RNF213: variants seen among roughly 807,000 people sequenced by gnomAD.
RNF213 encodes the protein ring finger protein 213.
Under a neutral mutation model 514.4 loss-of-function variants are expected in RNF213, and 341 were observed. The ratio of observed to expected loss-of-function variants is 0.66; its 90% CI spans 0.61 to 0.73. The LOEUF is 0.73. RNF213 is among the 30% of genes least tolerant of loss of function. RNF213 has a pLI of 0.00. For synonymous variants in RNF213, 2,655 were observed against 2,658.2 expected (o/e 1.00, Z 0.04); for missense variants, 5,767 against 6,615.6 (o/e 0.87, Z 4.45).
intron 20 of RNF213, among the ~76,000 whole-genome samples, chr17:80,330,431 G>A (rs1046414975): frequency 1.3e-5 from 2 of 152,180 alleles, no homozygotes; most frequent in African/African-American, 4.8e-5. Flanking sequence ...GAAGTCTTCT[G>A]TCTCCTGCCT....
At position 80,370,726 on chromosome 17, in the gene RNF213, C is replaced by CGG. The variant is rs1568147762; in HGVS notation, c.12425+859_12425+860insGG. On this transcript the variant is annotated intron_variant, in intron 46 of 67. Coordinates refer to ENST00000582970, the MANE Select transcript of RNF213 (RefSeq NM_001256071.3). ...TCACAGAAAATCACTCATGACAAGCCCTGGGTTATCAGCCGGCTGCTGTGT... is the reference window on the plus strand; with the variant it reads ...TCACAGAAAATCACTCATGACAAGCCGGCTGGGTTATCAGCCGGCTGCTGTGT... Among the ~76,000 whole-genome samples the CGG allele has an allele frequency of 9.2e-5, 14 of 152,264 alleles. No homozygotes were observed. In the South Asian group the frequency reaches 2.5e-3, roughly 27 times the overall value.
At position 80,336,372 on chromosome 17, in the gene RNF213, G is replaced by T; in HGVS notation, c.4521G>T (p.Arg1507Ser). 1 of 1,537,240 alleles carries T rather than the reference G, an allele frequency of 6.5e-7. No individual in the cohort carries two copies. Among genetic ancestry groups the T allele is most frequent in the African/African-American group, 1.4e-5 (1 of 73,180 alleles). The change falls in exon 23 of 68, where the codon AGG becomes AGT. Residue 1507 changes from arginine to serine, a missense_variant. Around this residue, in one of 13 missense-constraint regions of RNF213, gnomAD observed 1,377 missense variants for 1,635.2 expected, o/e 0.84. Coordinates refer to ENST00000582970, the MANE Select transcript of RNF213 (RefSeq NM_001256071.3). ...KALDKDQYLP[R>S]KLCDSARNLE... is the part of the protein sequence containing the mutation. ...TGGATAAGGACCAGTACCTGCCCAGGAAACTGGTGAGTCTTATTCTGTCTC... is the reference window on the plus strand; with the variant it reads ...TGGATAAGGACCAGTACCTGCCCAGTAAACTGGTGAGTCTTATTCTGTCTC...
chr17:80,336,449 C>T (rs1377538388), intron 23 of RNF213, 71 bp downstream of exon 23: 2 of 1,336,252 alleles, frequency 1.5e-6, no homozygotes, highest in East Asian at 2.5e-5. Context: ...AGGGCAGTGA[C>T]TGTGGAAATG....
At position 80,339,689 on chromosome 17, in the gene RNF213, G is replaced by T; in HGVS notation, c.5322G>T (p.Leu1774=). ...LPLMLLSEFS[L]VDKLRIIMEQ... ...TGATGCTCTTATCAGAGTTCAGCCT[G>T]GTGGACAAGCTGAGGATCATCATGG... Residue 1774 remains leucine (L), a synonymous_variant, in exon 26 of 68, where the codon CTG becomes CTT. Coordinates refer to ENST00000582970, the MANE Select transcript of RNF213 (RefSeq NM_001256071.3). 6.5e-7 allele frequency: 1 copy of T among 1,537,238 alleles called. No individual in the cohort carries two copies. Among genetic ancestry groups the T allele is most frequent in the Non-Finnish European group, 8.7e-7 (1 of 1,146,898 alleles).
rs1464412461 is a variant in RNF213 at position 80,353,847 on chromosome 17, T to C, written c.10579-172T>C. On this transcript the variant is annotated intron_variant, in intron 34 of 67. Transcript: ENST00000582970. The surrounding 1 kb of genome is among the most constrained non-coding windows in gnomAD (Gnocchi z 5.0). ...CTGGTTACTGGGGGTCAAGGGCATC[T>C]GCACCGGCAGTTTGGGGGGTGCAGG... 1.7e-6 allele frequency: 2 copies of C among 1,191,196 alleles called. No individual in the cohort carries two copies. The highest frequency in any genetic ancestry group is 2.5e-5 in the East Asian group (1 of 40,294). 73.8% of individuals were successfully genotyped at this position (1,191,196 alleles called of 1,614,324 possible).
Position 80,305,429 on chromosome 17 carries a change from C to T in RNF213, c.2211-823C>T, listed in dbSNP as rs190561125. Among the ~76,000 whole-genome samples, 860 of 151,810 alleles carry T rather than the reference C, an allele frequency of 5.7e-3. 8 individuals carry two copies. The highest frequency in any genetic ancestry group is 0.019 in the African/African-American group (796 of 41,360). ...CCAACCTCAGGTGATCTGCCTGCCT[C>T]GGCCTCCCAAAGTGCTGGGATTACA... On this transcript the variant is annotated intron_variant, in intron 11 of 67. Transcript: ENST00000582970.
At position 80,372,953 on chromosome 17, in the gene RNF213, C is replaced by T. The variant is rs372953146; in HGVS notation, c.12752-22C>T. The T allele has an allele frequency of 1.6e-4, 261 of 1,609,782 alleles. No homozygotes were observed. In the African/African-American group the frequency reaches 2.5e-3, roughly 15 times the overall value. On this transcript the variant is annotated intron_variant, in intron 48 of 67. Transcript: ENST00000582970. ...TGCCCTAAGTCACCAGCCACTCACCCGCTTTCTCGTTGGCCTCTCAGAGAT... is the reference window on the plus strand; with the variant it reads ...TGCCCTAAGTCACCAGCCACTCACCTGCTTTCTCGTTGGCCTCTCAGAGAT...
At chr17:80,374,726 G>T (rs748643960) in intron 50 of RNF213, 137 bp downstream of exon 50, 1 of 1,065,812 alleles carries the variant, frequency 9.4e-7, no homozygotes, top group Non-Finnish European at 1.4e-6. Context: ...TGGAAGTCAC[G>T]TGCCCACAGC....
Position 80,307,132 on chromosome 17 carries a change from T to C in RNF213, c.2432T>C (p.Val811Ala). The C allele has an allele frequency of 6.2e-7, 1 of 1,612,404 alleles. No homozygotes were observed. Among genetic ancestry groups the C allele is most frequent in the African/African-American group, 1.3e-5 (1 of 74,996 alleles). Residue 811 changes from valine (V) to alanine (A), a missense_variant, in exon 13 of 68, where the codon GTT becomes GCT. This residue lies in a region of RNF213 where 592 missense variants were observed against 673.9 expected (regional missense o/e 0.88). Transcript: ENST00000582970. ...TTCTTTTTTTCTCTGCCTTAGGATG[T>C]TCAGGATGTTCAGAACGTTCAGAAC... ...GLEQVLNTQDVQDVQNVQNIL... is the reference protein window; with the variant it reads ...GLEQVLNTQDAQDVQNVQNIL...
rs768786265 is a variant in RNF213, at chr17:80,353,085, G to C, written c.10423+26G>C. The C allele has an allele frequency of 6.2e-7, 1 of 1,608,516 alleles. No individual in the cohort carries two copies. The highest frequency in any genetic ancestry group is 8.5e-7 in the Non-Finnish European group (1 of 1,180,004). ...GTGAGTCACGAGGCGGAGCCCCTGGGGGAGCAGGTGGTGGAAGGGCAGATG... is the reference window on the plus strand; with the variant it reads ...GTGAGTCACGAGGCGGAGCCCCTGGCGGAGCAGGTGGTGGAAGGGCAGATG... On this transcript the variant is annotated intron_variant, in intron 33 of 67. Transcript: ENST00000582970. The surrounding 1 kb of genome is among the most constrained non-coding windows in gnomAD (Gnocchi z 5.0).
intron 22 of RNF213, among the ~76,000 whole-genome samples, chr17:80,335,163 T>G (rs568931272): frequency 6.6e-6 from 1 of 152,274 alleles, no homozygotes; most frequent in Admixed American, 6.5e-5. Flanking sequence ...CCTCAGGTGA[T>G]CCACCCATCT....
At chr17:80,270,802 C>T (rs146290410) in intron 2 of RNF213, among the ~76,000 whole-genome samples, 1,672 of 152,240 alleles carry the variant, frequency 0.011, 32 homozygotes, top group African/African-American at 0.038. Context: ...TCACCGTTGC[C>T]CAAGTCCAGG....
chr17:80,311,194 GCAAA>G (rs368744366), intron 14 of RNF213, among the ~76,000 whole-genome samples: 12 of 152,292 alleles, frequency 7.9e-5, no homozygotes, highest in African/African-American at 1.2e-4. Flanking sequence ...TGCCATAAAA[GCAAA>G]CAAACAAACA....
chr17:80,342,760 A>AT (rs1343821941), intron 26 of RNF213, among the ~76,000 whole-genome samples: 1 of 145,856 alleles, frequency 6.9e-6, no homozygotes, highest in Non-Finnish European at 1.5e-5. Context: ...GTATATATAT[A>AT]TTATATATAT....
At chr17:80,308,691 A>G (rs2045461576) in intron 13 of RNF213, among the ~76,000 whole-genome samples, 1 of 151,862 alleles carries the variant, frequency 6.6e-6, no homozygotes, top group Non-Finnish European at 1.5e-5. Flanking sequence ...CTTTCTGAAT[A>G]TTTTTTCAAA....
In RNF213 at chr17:80,311,343, C is replaced by T. The variant is rs554343779; in HGVS notation, c.2656-1669C>T. On this transcript the variant is annotated intron_variant, in intron 14 of 67. Coordinates refer to ENST00000582970, the MANE Select transcript of RNF213 (RefSeq NM_001256071.3). The stretch of plus-strand genomic sequence containing the variant: ...AGAACAAGGTGCCCGTGTCAGGCTC[C>T]GGAGGTCTGTGCAGCCTCTGAGCGG... Among the ~76,000 whole-genome samples the T allele has an allele frequency of 3.4e-3, 513 of 152,324 alleles. 5 individuals carry two copies. The highest frequency in any genetic ancestry group is 0.012 in the African/African-American group (484 of 41,576).
At chr17:80,303,608 G>A (rs1255995807) in intron 11 of RNF213, among the ~76,000 whole-genome samples, 3 of 147,646 alleles carry the variant, frequency 2.0e-5, no homozygotes, top group African/African-American at 5.0e-5. Flanking sequence ...CTGTCGCCCA[G>A]GCTGGAGTAC....
chr17:80,311,992 G>A lies in RNF213; in HGVS notation c.2656-1020G>A, dbSNP rs142383457. Among the ~76,000 whole-genome samples the A allele has an allele frequency of 1.6e-4, 25 of 152,256 alleles. No homozygotes were observed. In the East Asian group the frequency reaches 4.1e-3, roughly 25 times the overall value. ...AAAATACAAAAATTAGCCAGGTATG[G>A]TGGCATGCACTTGTAATCCCAGCTA... On this transcript the variant is annotated intron_variant, in intron 14 of 67. Transcript: ENST00000582970.
intron 41 of RNF213, 141 bp downstream of exon 41, chr17:80,363,931 T>G: frequency 1.2e-6 from 1 of 850,518 alleles, no homozygotes; most frequent in Non-Finnish European, 1.9e-6. Context: ...TCACTCCGCA[T>G]TTGCCGAACC....
Sources: gnomAD v4.1 joint callset for allele counts (sites outside exome capture counted in the v4.1 genomes callset) on GRCh38, gnomAD v4.1.1 for gene constraint, gnomAD v4.1.1 regional missense constraint, Gnocchi (gnomAD v3.1) non-coding constraint, MANE v1.5 for transcripts, NCBI Gene and HGNC (gene_info 2026-07-23, HGNC 2026-07-21) for gene names.